Variants in MUC5B observed in about 807,000 individuals in gnomAD.
MUC5B encodes mucin-5B.
A neutral mutation model predicts 376.9 loss-of-function variants in MUC5B; 116 were observed. That is an observed-to-expected ratio of 0.31 (90% CI 0.26 to 0.36). The LOEUF (loss-of-function observed/expected upper bound fraction) is 0.36, where lower values mean the gene tolerates loss of function less well. Ranked by LOEUF, MUC5B falls within the 10% of genes least tolerant of loss-of-function variation. The probability of loss-of-function intolerance (pLI) is 1.00; values close to 1 mark genes in which losing one functional copy is unlikely to be tolerated. For missense variants in MUC5B, 7,165 were observed against 7,769.9 expected (o/e 0.92, Z 2.93); for synonymous variants, 3,517 against 3,390.9 (o/e 1.04, Z -1.29).
In MUC5B at chr11:1,234,995, C is replaced by T. The variant is rs941399624; in HGVS notation, c.2631-90C>T. ...GCTGGGCCTGGGGAGGCTGAGGCCC[C>T]GTGCTGACCTGCACAGGCCTGGGTG... On this transcript the variant is annotated intron_variant, in intron 21 of 48. Coordinates refer to ENST00000529681, the MANE Select transcript of MUC5B (RefSeq NM_002458.3). This position sits in a 1 kb window ranked among gnomAD's most constrained non-coding sequence, Gnocchi z 6.3. 110 of 1,472,296 alleles carry T rather than the reference C, an allele frequency of 7.5e-5. No homozygotes were observed. Among genetic ancestry groups the T allele is most frequent in the Middle Eastern group, 7.4e-4 (3 of 4,064 alleles). The allele number at this position is 1,472,296 out of a possible 1,614,324, so 91.2% of individuals were successfully genotyped here. A position where few individuals can be genotyped will look rare whatever the true frequency, so the allele number is the denominator to read the frequency against.
Position 1,242,255 on chromosome 11 carries a change from A to G in MUC5B, c.5375A>G (p.Glu1792Gly), listed in dbSNP as rs778144849. ...TGTCAACCGAAGTGTGAGTGGACAG[A>G]GTGGTTTGACGTGGACTTCCCAACC... ...TRCQPKCEWT[E>G]WFDVDFPTSG... Residue 1792 changes from glutamate (E) to glycine (G), a missense_variant, in exon 31 of 49, where the codon GAG (glutamate) becomes GGG (glycine). Coordinates refer to ENST00000529681, the MANE Select transcript of MUC5B (RefSeq NM_002458.3). The G allele has an allele frequency of 6.2e-7, 1 of 1,613,740 alleles. No individual in the cohort carries two copies. The highest frequency in any genetic ancestry group is 2.2e-5 in the East Asian group (1 of 44,886).
rs755762113 is a variant in MUC5B, at chr11:1,248,441, C to T, written c.11561C>T (p.Ser3854Phe). 1.9e-6 allele frequency: 3 copies of T among 1,610,604 alleles called. No homozygotes were observed. In the Admixed American group the frequency reaches 5.0e-5, roughly 27 times the overall value. ...GCCACCGGCTCTGTGGCCACCCCCT[C>T]TTCCACCCCAGGAACAGCTCACACT... is the stretch of plus-strand genomic sequence containing the variant. ...TRATGSVATP[S>F]STPGTAHTTK... The change falls in exon 31 of 49, where the codon TCT becomes TTT. Residue 3854 changes from serine to phenylalanine, a missense_variant. Transcript: ENST00000529681.
In MUC5B at chr11:1,258,978, A is replaced by T; in HGVS notation, c.16630A>T (p.Met5544Leu). Reference sequence around the variant, plus strand: ...CTTCCCAGGCGCCCTTCCCTGCCACATGTGTACCTGCCTCTCTGGGGACAC... The same window carrying T: ...CTTCCCAGGCGCCCTTCCCTGCCACTTGTGTACCTGCCTCTCTGGGGACAC... ...ATFPGALPCH[M>L]CTCLSGDTQD... is the part of the protein sequence containing the mutation. Residue 5544 changes from methionine to leucine, a missense_variant, in exon 44 of 49, where the codon ATG becomes TTG. Physicochemically the swap from Met to Leu is conservative, Grantham distance 15. Around this residue, in one of 31 missense-constraint regions of MUC5B, gnomAD observed 842 missense variants for 1,016.9 expected, o/e 0.83. Coordinates refer to ENST00000529681, the MANE Select transcript of MUC5B (RefSeq NM_002458.3). The surrounding 1 kb of genome is among the most constrained non-coding windows in gnomAD (Gnocchi z 5.5). The T allele has an allele frequency of 6.4e-7, 1 of 1,555,304 alleles. No homozygotes were observed. The highest frequency in any genetic ancestry group is 8.7e-7 in the Non-Finnish European group (1 of 1,150,254).
chr11:1,261,305 C>T, intron 48 of MUC5B, 84 bp from the exon 49 acceptor site: 1 of 1,275,176 alleles, frequency 7.8e-7, no homozygotes, highest in Non-Finnish European at 1.1e-6. Context: ...GGCCCAGGAC[C>T]CCAGAGGCCC....
At position 1,236,442 on chromosome 11, in the gene MUC5B, T is replaced by G. The variant is rs768579479; in HGVS notation, c.2937T>G (p.Gly979=). ...GTFKAVARGP[G]GDPPYKIRYM... is the part of the protein sequence containing the mutation. ...TTAAGGCGGTGGCGAGAGGGCCGGG[T>G]GGGGACCCACCCTACAAGATACGCT... The change falls in exon 24 of 49, where the codon GGT becomes GGG. Residue 979 remains glycine, a synonymous_variant. Coordinates refer to ENST00000529681, the MANE Select transcript of MUC5B (RefSeq NM_002458.3). The G allele has an allele frequency of 1.2e-6, 2 of 1,612,502 alleles. No homozygotes were observed. Among genetic ancestry groups the G allele is most frequent in the South Asian group, 1.1e-5 (1 of 91,056 alleles).
chr11:1,232,594 G>A, intron 16 of MUC5B, 50 bp downstream of exon 16: 1 of 1,600,842 alleles, frequency 6.2e-7, no homozygotes, highest in Middle Eastern at 1.7e-4. Flanking sequence ...GGGTGGGGGA[G>A]CCCTGGCAGG....
chr11:1,260,003 C>T lies in MUC5B; in HGVS notation c.16841C>T (p.Thr5614Ile). 1 of 1,612,982 alleles carries T rather than the reference C, an allele frequency of 6.2e-7. No individual in the cohort carries two copies. The highest frequency in any genetic ancestry group is 1.1e-5 in the South Asian group (1 of 91,088). The change falls in exon 46 of 49, where the codon ACC becomes ATC. Residue 5614 changes from threonine (T) to isoleucine (I), a missense_variant. By Grantham distance (89) the Thr-to-Ile change is moderately conservative. Transcript: ENST00000529681. ...GTCAACAGCCATGTGGACAACTGCA[C>T]CGTGTACCTCTGTGAGGCTGAGGGT... ...TWVNSHVDNC[T>I]VYLCEAEGGV...
In MUC5B at chr11:1,233,143, C is replaced by T. The variant is rs1156281584; in HGVS notation, c.2196C>T (p.Cys732=). ...TTTCCTTCGTGCCTGTGGACGGCTG[C>T]ACCTGCCCCGCGGGCACCTTCCTCA... The part of the protein sequence containing the change: ...CSVSFVPVDG[C]TCPAGTFLND... Residue 732 remains cysteine (C), a synonymous_variant, in exon 18 of 49, where the codon TGC becomes TGT. Transcript: ENST00000529681. 6.2e-7 allele frequency: 1 copy of T among 1,606,826 alleles called. No homozygotes were observed. The highest frequency in any genetic ancestry group is 2.2e-5 in the East Asian group (1 of 44,856).
Position 1,258,411 on chromosome 11 carries a change from A to T in MUC5B, c.16593+44A>T, listed in dbSNP as rs775890911. On this transcript the variant is annotated intron_variant, in intron 43 of 48. Transcript: ENST00000529681. This position sits in a 1 kb window ranked among gnomAD's most constrained non-coding sequence, Gnocchi z 5.5. ...GTGGGTGTGGCCCTGGGGCCTGAAC[A>T]TGTGTGTGGGATGCCCCGGGGCTCT... The T allele has an allele frequency of 4.4e-6, 7 of 1,605,366 alleles. No homozygotes were observed. Among genetic ancestry groups the T allele is most frequent in the Non-Finnish European group, 5.1e-6 (6 of 1,175,652 alleles).
Position 1,227,154 on chromosome 11 carries a change from GC to G in MUC5B, c.576+14del. On this transcript the variant is annotated intron_variant, in intron 5 of 48. Transcript: ENST00000529681. ...GAGAGGACAGTGCCCTGGTGAGGAA[GC>G]CCCCTCGCCCCTTGCCCCTTCAGGC... is the stretch of plus-strand genomic sequence containing the variant. 1 of 1,606,912 alleles carries G rather than the reference GC, an allele frequency of 6.2e-7. No homozygotes were observed. Among genetic ancestry groups the G allele is most frequent in the Non-Finnish European group, 8.5e-7 (1 of 1,175,640 alleles).
chr11:1,236,443 G>A lies in MUC5B; in HGVS notation c.2938G>A (p.Gly980Arg). 6.2e-7 allele frequency: 1 copy of A among 1,612,806 alleles called. No individual in the cohort carries two copies. The highest frequency in any genetic ancestry group is 8.5e-7 in the Non-Finnish European group (1 of 1,179,766). ...TFKAVARGPG[G>R]DPPYKIRYMG... is the part of the protein sequence containing the mutation. ...TAAGGCGGTGGCGAGAGGGCCGGGTGGGGACCCACCCTACAAGATACGCTA... is the reference window on the plus strand; with the variant it reads ...TAAGGCGGTGGCGAGAGGGCCGGGTAGGGACCCACCCTACAAGATACGCTA... The change falls in exon 24 of 49, where the codon GGG (glycine) becomes AGG (arginine). Residue 980 changes from glycine (G) to arginine (R), a missense_variant. Physicochemically the swap from Gly to Arg is moderately radical, Grantham distance 125. Coordinates refer to ENST00000529681, the MANE Select transcript of MUC5B (RefSeq NM_002458.3).
At position 1,261,986 on chromosome 11, in the gene MUC5B, AGGCTG is replaced by A. The variant is rs1863009494; in HGVS notation, c.*380_*384del. ...GCCACGTCCGGCCGCTGGGGCAGACAGGCTGGTCCAGGCAAGGCCAGCTGCTGCCA... is the reference window on the plus strand; with the variant it reads ...GCCACGTCCGGCCGCTGGGGCAGACAGTCCAGGCAAGGCCAGCTGCTGCCA... On this transcript the variant is annotated 3_prime_UTR_variant, in exon 49 of 49. Transcript: ENST00000529681. 1 of 491,160 alleles carries A rather than the reference AGGCTG, an allele frequency of 2.0e-6. No homozygotes were observed. The highest frequency in any genetic ancestry group is 1.9e-5 in the African/African-American group (1 of 51,600). The allele number at this position is 491,160 out of a possible 1,614,324, so 30.4% of individuals were successfully genotyped here.
Position 1,240,808 on chromosome 11 carries a change from TG to T in MUC5B, c.3971-41del. 1.9e-6 allele frequency: 3 copies of T among 1,543,684 alleles called. No individual in the cohort carries two copies. The African/African-American group carries it at 4.1e-5, about 21-fold the overall frequency. On this transcript the variant is annotated intron_variant, in intron 30 of 48. Coordinates refer to ENST00000529681, the MANE Select transcript of MUC5B (RefSeq NM_002458.3). ...CCCCTCCACCTTGTGAGGCCAGGACTGGAGGATGCTGAGCCAGGACCCCTTT... is the reference window on the plus strand; with the variant it reads ...CCCCTCCACCTTGTGAGGCCAGGACTGAGGATGCTGAGCCAGGACCCCTTT...
rs369158178 is a variant in MUC5B, at chr11:1,246,419, C to A, written c.9539C>A (p.Thr3180Lys). 1.7e-4 allele frequency: 273 copies of A among 1,613,390 alleles called. No homozygotes were observed. Among genetic ancestry groups the A allele is most frequent in the Non-Finnish European group, 2.2e-4 (263 of 1,179,730 alleles). The change falls in exon 31 of 49, where the codon ACG becomes AAG. Residue 3180 changes from threonine (T) to lysine (K), a missense_variant. Transcript: ENST00000529681. ...TATVTVPTGSTATASSTRATA... is the reference protein window; with the variant it reads ...TATVTVPTGSKATASSTRATA... ...ACCGTGACGGTGCCCACCGGATCCA[C>A]GGCCACCGCCTCCTCCACCCGGGCA...
At chr11:1,252,736 T>C (rs1862738250) in intron 32 of MUC5B, 73 bp from the exon 33 acceptor site, 4 of 1,505,374 alleles carry the variant, frequency 2.7e-6, no homozygotes, top group Non-Finnish European at 3.6e-6. Flanking sequence ...CTTTGGGCCA[T>C]GAGGGGTGGG....
intron 1 of MUC5B, among the ~76,000 whole-genome samples, chr11:1,223,590 C>G (rs1448776872): frequency 1.3e-5 from 2 of 152,152 alleles, no homozygotes; most frequent in African/African-American, 4.8e-5. Flanking sequence ...AGCGTGGACC[C>G]CTGTCCAGGA....
intron 38 of MUC5B, 193 bp from the exon 39 acceptor site, chr11:1,256,471 CATCCCCG>C: frequency 1.9e-6 from 1 of 517,368 alleles, no homozygotes; most frequent in Non-Finnish European, 3.4e-6. Context: ...GAGCCCCACC[CATCCCCG>C]CCCATACTTA....
chr11:1,236,554 G>C lies in MUC5B; in HGVS notation c.3049G>C (p.Asp1017His). The change falls in exon 24 of 49, where the codon GAC becomes CAC. Residue 1017 changes from aspartate (D) to histidine (H), a missense_variant. Physicochemically the swap from Asp to His is moderately conservative, Grantham distance 81 (BLOSUM62 -1). This residue lies in a region of MUC5B where 530 missense variants were observed against 604.0 expected (regional missense o/e 0.88). Coordinates refer to ENST00000529681, the MANE Select transcript of MUC5B (RefSeq NM_002458.3). ...CAGCGTGTTCATCCGACTGCACCAGGACTACAAGGTGAGCTCGGGCCGTGC... is the reference window on the plus strand; with the variant it reads ...CAGCGTGTTCATCCGACTGCACCAGCACTACAAGGTGAGCTCGGGCCGTGC... ...KTSVFIRLHQ[D>H]YKGRVCGLCG... is the part of the protein sequence containing the mutation. 6.2e-7 allele frequency: 1 copy of C among 1,612,600 alleles called. No homozygotes were observed. The highest frequency in any genetic ancestry group is 1.1e-5 in the South Asian group (1 of 91,070).
At chr11:1,256,648 G>A (rs1206480310) in intron 38 of MUC5B, 23 bp from the exon 39 acceptor site, 2 of 1,541,440 alleles carry the variant, frequency 1.3e-6, no homozygotes, top group Admixed American at 4.1e-5. Flanking sequence ...CTAGGTCTCA[G>A]GGCCTCTCTT....
Sources: gnomAD v4.1 joint callset for allele counts (sites outside exome capture counted in the v4.1 genomes callset) on GRCh38, gnomAD v4.1.1 for gene constraint, gnomAD v4.1.1 regional missense constraint, Gnocchi (gnomAD v3.1) non-coding constraint, MANE v1.5 for transcripts, NCBI Gene and HGNC (gene_info 2026-07-23, HGNC 2026-07-21) for gene names.